The following ALG9 variants were observed in gnomAD, a reference collection of about 807,000 sequenced individuals.
ALG9 encodes alpha-1,2-mannosyltransferase ALG9.
ALG9 carries 55 observed loss-of-function variants against 81.8 expected under a neutral mutation model. That is an observed-to-expected ratio of 0.67 (90% CI 0.54 to 0.84). The LOEUF (loss-of-function observed/expected upper bound fraction) is 0.84, where lower values mean the gene tolerates loss of function less well. Among genes scored for constraint, ALG9 ranks in the 40% least tolerant of loss-of-function variants. ALG9 has a pLI of 0.00. For synonymous variants in ALG9, 278 were observed against 274.3 expected (o/e 1.01, Z -0.13); for missense variants, 629 against 745.0 (o/e 0.84, Z 1.81).
At chr11:111,834,326 A>G (rs980720873) in intron 13 of ALG9, among the ~76,000 whole-genome samples, 1 of 152,170 alleles carries the variant, frequency 6.6e-6, no homozygotes, top group East Asian at 1.9e-4. Context: ...TGGAAAACGC[A>G]ATGATGAGTC....
intron 6 of ALG9, among the ~76,000 whole-genome samples, chr11:111,854,218 T>C (rs797031361): frequency 5.9e-4 from 87 of 147,142 alleles, no homozygotes; most frequent in African/African-American, 2.1e-3. Context: ...TGCCTCAGGC[T>C]CCCGAGTAGC....
intron 2 of ALG9, 127 bp from the exon 3 acceptor site, chr11:111,868,863 A>G (rs1555155872): frequency 1.6e-5 from 16 of 981,900 alleles, no homozygotes; most frequent in South Asian, 2.3e-5. Flanking sequence ...CCTCACACCT[A>G]TAATCCCAGC....
chr11:111,792,395 ATC>A (rs1262424519), intron 14 of ALG9, among the ~76,000 whole-genome samples: 3 of 152,246 alleles, frequency 2.0e-5, no homozygotes, highest in Non-Finnish European at 2.9e-5. Flanking sequence ...AGAGAGGGAT[ATC>A]ACACATATGA....
At chr11:111,871,308 C>A (rs1401495539) in intron 1 of ALG9, 44 bp downstream of exon 1, 1 of 1,383,044 alleles carries the variant, frequency 7.2e-7, no homozygotes, top group Middle Eastern at 2.7e-4. Context: ...CAGCCCCGAA[C>A]CGCCCCGCCG....
In ALG9 at chr11:111,853,697, C is replaced by A. The variant is rs200946042; in HGVS notation, c.741G>T (p.Arg247Ser). Residue 247 changes from arginine to serine, a missense_variant, in exon 7 of 15, where the codon AGG becomes AGT. Arg to Ser is a moderately radical substitution (Grantham distance 110, BLOSUM62 -1). This residue lies in a region of ALG9 where 344 missense variants were observed against 390.5 expected (regional missense o/e 0.88). Coordinates refer to ENST00000616540, the MANE Select transcript of ALG9 (RefSeq NM_024740.2). ...IAFDLLVMKH[R>S]WKSFFHWSLM... ...GCGACCAATGAAAGAAACTCTTCCA[C>A]CTGTGTTTCATGACCAGCAAATCAA... is the stretch of plus-strand genomic sequence containing the variant. The A allele has an allele frequency of 2.9e-4, 470 of 1,614,022 alleles. 1 individual carries two copies. Among genetic ancestry groups the A allele is most frequent in the Non-Finnish European group, 3.7e-4 (434 of 1,180,014 alleles).
rs377678568 is a variant in ALG9 at position 111,836,150 on chromosome 11, G to C, written c.1602+15C>G. ...AATTCTTTTCAGAGAAGCAAGAAGAGAATGTAGCCCTTACATATCTGGATG... is the reference window on the plus strand; with the variant it reads ...AATTCTTTTCAGAGAAGCAAGAAGACAATGTAGCCCTTACATATCTGGATG... On this transcript the variant is annotated intron_variant, in intron 13 of 14. Transcript: ENST00000616540. 1.8e-5 allele frequency: 29 copies of C among 1,613,562 alleles called. No individual in the cohort carries two copies. Among genetic ancestry groups the C allele is most frequent in the Admixed American group, 3.3e-5 (2 of 59,992 alleles).
At chr11:111,817,364 A>G (rs1951650786) in intron 13 of ALG9, 1 of 152,128 alleles carries the variant, frequency 6.6e-6, no homozygotes, top group Non-Finnish European at 1.5e-5. Context: ...GCCTTCTGAT[A>G]TTTCTTTCTT....
chr11:111,821,102 TA>T (rs782754718), intron 13 of ALG9, among the ~76,000 whole-genome samples: 4 of 152,148 alleles, frequency 2.6e-5, no homozygotes, highest in Admixed American at 6.5e-5. Context: ...TCTCTAAAAA[TA>T]AAATTTTTTA....
At chr11:111,850,425 G>C (rs1957581800) in intron 8 of ALG9, among the ~76,000 whole-genome samples, 1 of 152,078 alleles carries the variant, frequency 6.6e-6, no homozygotes, top group Admixed American at 6.6e-5. Flanking sequence ...TGGAAATCAG[G>C]CCAGGCATGG....
chr11:111,791,344 G>A (rs552212650), intron 14 of ALG9, among the ~76,000 whole-genome samples: 21 of 152,192 alleles, frequency 1.4e-4, no homozygotes, highest in Non-Finnish European at 2.4e-4. Context: ...ACATTCAGGC[G>A]GGAGGTCAAA....
At chr11:111,868,799 C>T (rs1276118107) in intron 2 of ALG9, 63 bp from the exon 3 acceptor site, 3 of 1,461,976 alleles carry the variant, frequency 2.1e-6, no homozygotes, top group African/African-American at 1.4e-5. Flanking sequence ...TAAGCAGATG[C>T]AAGTGAAGTT....
chr11:111,780,409 T>A (rs1945868020), downstream of ALG9, among the ~76,000 whole-genome samples: 1 of 151,930 alleles, frequency 6.6e-6, no homozygotes, highest in South Asian at 2.1e-4. Context: ...GTTTTTTGTT[T>A]TTTTTGAGAC....
rs12576534 is a variant in ALG9 at position 111,825,519 on chromosome 11, T to C, written c.1602+10646A>G. Among the ~76,000 whole-genome samples the C allele has an allele frequency of 1.5e-3, 231 of 152,308 alleles. 6 individuals carry two copies. The East Asian group carries it at 0.043, about 28-fold the overall frequency. On this transcript the variant is annotated intron_variant, in intron 13 of 14. Transcript: ENST00000616540. ...TCAGGCCTTTGCAAAAGCTGTTCCT[T>C]CTGACTGGAATGTCAATTTCCCCTT... is the stretch of plus-strand genomic sequence containing the variant.
chr11:111,841,729 T>C (rs1467695328), intron 9 of ALG9, among the ~76,000 whole-genome samples: 1 of 152,222 alleles, frequency 6.6e-6, no homozygotes, highest in African/African-American at 2.4e-5. Flanking sequence ...TATGCCTAAT[T>C]TAGCATTCCT....
At chr11:111,841,701 G>A (rs1338942634) in intron 9 of ALG9, among the ~76,000 whole-genome samples, 1 of 152,170 alleles carries the variant, frequency 6.6e-6, no homozygotes, top group African/African-American at 2.4e-5. Flanking sequence ...CAGGATTATC[G>A]TCAAGATCCA....
intron 13 of ALG9, among the ~76,000 whole-genome samples, chr11:111,818,179 A>C (rs539770913): frequency 6.6e-6 from 1 of 152,256 alleles, no homozygotes; most frequent in Admixed American, 6.5e-5. Flanking sequence ...AGGAAAGATG[A>C]TAACTTGTGT....
intron 6 of ALG9, among the ~76,000 whole-genome samples, chr11:111,855,090 G>C (rs1028472858): frequency 2.0e-5 from 3 of 152,194 alleles, no homozygotes; most frequent in Admixed American, 2.0e-4. Context: ...AGGGCTTTCT[G>C]TGTTATCTTT....
At chr11:111,826,416 T>C (rs1953310886) in intron 13 of ALG9, among the ~76,000 whole-genome samples, 1 of 151,310 alleles carries the variant, frequency 6.6e-6, no homozygotes, top group Non-Finnish European at 1.5e-5. Context: ...AAAAAAAACT[T>C]AGTACAAGAA....
chr11:111,810,339 T>C (rs1555090074), intron 13 of ALG9, among the ~76,000 whole-genome samples: 1 of 152,226 alleles, frequency 6.6e-6, no homozygotes, highest in Admixed American at 6.5e-5. Flanking sequence ...ACTCTGCTTT[T>C]GTTAATACTA....
Sources: allele counts gnomAD v4.1 joint callset (sites outside exome capture counted in the v4.1 genomes callset), GRCh38; gene constraint gnomAD v4.1.1; regional missense constraint gnomAD v4.1.1; transcripts MANE v1.5; gene names NCBI Gene and HGNC (gene_info 2026-07-23, HGNC 2026-07-21).